Variants in ARHGAP26 observed in about 807,000 individuals in gnomAD.
ARHGAP26 encodes the protein Rho GTPase activating protein 26, also known as rho GTPase-activating protein 26.
Under a neutral mutation model 104.8 loss-of-function variants are expected in ARHGAP26, and 38 were observed. That is an observed-to-expected ratio of 0.36 (90% CI 0.28 to 0.48). The LOEUF is 0.48. Ranked by LOEUF, ARHGAP26 falls within the 20% of genes least tolerant of loss-of-function variation. ARHGAP26 has a pLI of 0.99. For missense variants in ARHGAP26, 704 were observed against 947.9 expected (o/e 0.74, Z 3.38); for synonymous variants, 341 against 340.0 (o/e 1.00, Z -0.03).
intron 6 of ARHGAP26, among the ~76,000 whole-genome samples, chr5:142,896,755 A>G (rs776120189): frequency 1.5e-4 from 23 of 152,200 alleles, no homozygotes; most frequent in Non-Finnish European, 3.1e-4. Flanking sequence ...TTTAAATCCC[A>G]GCCTAGCCAT....
chr5:142,933,633 G>T (rs1028654273), intron 11 of ARHGAP26, among the ~76,000 whole-genome samples: 1 of 152,194 alleles, frequency 6.6e-6, no homozygotes, highest in South Asian at 2.1e-4. Flanking sequence ...AGAAAATGAG[G>T]ATGAAAGCAT....
At chr5:143,020,528 C>T (rs577103882) in intron 12 of ARHGAP26, among the ~76,000 whole-genome samples, 1 of 152,054 alleles carries the variant, frequency 6.6e-6, no homozygotes, top group East Asian at 1.9e-4. Context: ...TTCCTCCCTT[C>T]TCTCCTCCCC....
chr5:142,896,377 C>T (rs1016588532), intron 6 of ARHGAP26, among the ~76,000 whole-genome samples: 1 of 151,968 alleles, frequency 6.6e-6, no homozygotes, highest in Non-Finnish European at 1.5e-5. Context: ...GTTTTGTTAT[C>T]CACTTTGATC....
At chr5:142,996,834 A>G (rs1390394005) in intron 11 of ARHGAP26, among the ~76,000 whole-genome samples, 2 of 152,184 alleles carry the variant, frequency 1.3e-5, no homozygotes, top group Admixed American at 6.5e-5. Flanking sequence ...ATGGGAATGG[A>G]TGAAATTTCT....
intron 10 of ARHGAP26, among the ~76,000 whole-genome samples, chr5:142,916,913 T>A (rs1368977565): frequency 6.6e-6 from 1 of 152,182 alleles, no homozygotes; most frequent in African/African-American, 2.4e-5. Context: ...CCTCCATTAT[T>A]CCCATACTGC....
intron 12 of ARHGAP26, among the ~76,000 whole-genome samples, chr5:143,034,506 C>A (rs1049648598): frequency 2.6e-5 from 4 of 152,230 alleles, no homozygotes; most frequent in Non-Finnish European, 5.9e-5. Context: ...AAGACCGCAT[C>A]GTGTATGATT....
chr5:143,073,445 C>A (rs746907461), intron 17 of ARHGAP26, among the ~76,000 whole-genome samples: 2 of 152,140 alleles, frequency 1.3e-5, no homozygotes, highest in Non-Finnish European at 2.9e-5. Context: ...GTCAGCCCAG[C>A]TGGCATCATT....
intron 20 of ARHGAP26, among the ~76,000 whole-genome samples, chr5:143,181,947 G>A (rs913904451): frequency 1.3e-5 from 2 of 152,052 alleles, no homozygotes; most frequent in East Asian, 3.9e-4. Context: ...TAACCTCTCC[G>A]ACTTCCCCTG....
intron 5 of ARHGAP26, among the ~76,000 whole-genome samples, chr5:142,885,904 T>TA (rs1250287473): frequency 1.0e-3 from 152 of 152,344 alleles, no homozygotes; most frequent in African/African-American, 3.5e-3. Context: ...TATTGTCCTG[T>TA]ATATATTTTG....
At chr5:143,134,425 TTTG>T (rs1562486229) in intron 19 of ARHGAP26, among the ~76,000 whole-genome samples, 1 of 152,122 alleles carries the variant, frequency 6.6e-6, no homozygotes, top group Non-Finnish European at 1.5e-5. Context: ...AAGCTCCCCT[TTTG>T]TTAGCAATTC....
chr5:142,902,169 G>A (rs1048772597), intron 7 of ARHGAP26, 130 bp downstream of exon 7: 8 of 672,042 alleles, frequency 1.2e-5, no homozygotes, highest in African/African-American at 3.6e-5. Flanking sequence ...TGGGTTCAGA[G>A]GGAAACTAGG....
intron 11 of ARHGAP26, among the ~76,000 whole-genome samples, chr5:142,992,445 T>A (rs185864624): frequency 2.6e-4 from 39 of 151,748 alleles, no homozygotes; most frequent in Middle Eastern, 3.4e-3. Context: ...TTTTTATTTT[T>A]TTTTTTGAGA....
At chr5:143,187,044 C>T (rs1312257311) in intron 20 of ARHGAP26, among the ~76,000 whole-genome samples, 2 of 152,172 alleles carry the variant, frequency 1.3e-5, no homozygotes, top group African/African-American at 2.4e-5. Context: ...ATTTAGTAAA[C>T]ACTATATGCC....
chr5:143,055,294 C>T (rs1314074741), intron 15 of ARHGAP26, among the ~76,000 whole-genome samples: 1 of 152,036 alleles, frequency 6.6e-6, no homozygotes, highest in Non-Finnish European at 1.5e-5. Flanking sequence ...AGGAAGGAGG[C>T]CACAGAAAAG....
At chr5:142,960,245 A>T (rs149275746) in intron 11 of ARHGAP26, among the ~76,000 whole-genome samples, 4 of 152,364 alleles carry the variant, frequency 2.6e-5, no homozygotes, top group Admixed American at 2.0e-4. Context: ...AATAGTAATC[A>T]TGAGCCTAAA....
chr5:143,142,517 C>T (rs1232193423), intron 19 of ARHGAP26, among the ~76,000 whole-genome samples: 1 of 151,956 alleles, frequency 6.6e-6, no homozygotes, highest in Non-Finnish European at 1.5e-5. Context: ...AAACATTGTC[C>T]AAACTGTTTT....
intron 12 of ARHGAP26, among the ~76,000 whole-genome samples, chr5:143,024,952 T>G (rs1481109716): frequency 6.6e-6 from 1 of 152,240 alleles, no homozygotes; most frequent in Non-Finnish European, 1.5e-5. Flanking sequence ...TCAGTTTCTT[T>G]GTCTGAAGGT....
At chr5:143,052,350 A>T (rs1410517327) in intron 14 of ARHGAP26, among the ~76,000 whole-genome samples, 1 of 152,054 alleles carries the variant, frequency 6.6e-6, no homozygotes, top group Non-Finnish European at 1.5e-5. Context: ...CATGCCTGTA[A>T]TCCCAGCTAC....
chr5:143,131,970 T>G (rs980272872), intron 18 of ARHGAP26, among the ~76,000 whole-genome samples: 1 of 152,210 alleles, frequency 6.6e-6, no homozygotes, highest in Non-Finnish European at 1.5e-5. Context: ...TTTATAGCAC[T>G]GGTAAACTTG....
Sources: allele counts gnomAD v4.1 joint callset (sites outside exome capture counted in the v4.1 genomes callset), GRCh38; gene constraint gnomAD v4.1.1; transcripts MANE v1.5; gene names NCBI Gene and HGNC (gene_info 2026-07-23, HGNC 2026-07-21).